PCDHA6: variants seen among roughly 807,000 people sequenced by gnomAD.
PCDHA6 encodes the protein protocadherin alpha 6, also known as protocadherin alpha-6.
Under a neutral mutation model 60.3 loss-of-function variants are expected in PCDHA6, and 55 were observed. That is an observed-to-expected ratio of 0.91 (90% confidence interval 0.73 to 1.14). The LOEUF is 1.14. PCDHA6 is among the 50% of genes most tolerant of loss of function. PCDHA6 has a pLI of 0.00. For missense variants in PCDHA6, 1,327 were observed against 1,256.5 expected (o/e 1.06, Z -0.85); for synonymous variants, 652 against 557.9 (o/e 1.17, Z -2.38).
At position 140,936,025 on chromosome 5, in the gene PCDHA6, G is replaced by A. The variant is rs542573400; in HGVS notation, c.2395-42924G>A. On this transcript the variant is annotated intron_variant, in intron 1 of 3. Coordinates refer to ENST00000529310, the MANE Select transcript of PCDHA6 (RefSeq NM_018909.4). ...CTCCCACCTCAGCCTCCCGAGTAGC[G>A]GGGATTACAGGCACCCACCACCACA... 1.5e-3 allele frequency among the ~76,000 whole-genome samples: 222 copies of A among 151,390 alleles called. 1 individual carries two copies. The highest frequency in any genetic ancestry group is 6.8e-3 in the Middle Eastern group (2 of 294).
intron 1 of PCDHA6, among the ~76,000 whole-genome samples, chr5:140,937,867 G>A (rs1009502911): frequency 7.9e-5 from 12 of 151,142 alleles, no homozygotes; most frequent in African/African-American, 1.2e-4. Flanking sequence ...AGCCGAGATC[G>A]CGCCACTGCA....
At chr5:140,928,532 A>G (rs781788985) in intron 1 of PCDHA6, 42 of 1,614,110 alleles carry the variant, frequency 2.6e-5, no homozygotes, top group Middle Eastern at 1.6e-4. Flanking sequence ...TTTGTGGTAG[A>G]TAGGAATGAC....
intron 1 of PCDHA6, chr5:140,857,788 GCTGCGGTCGGTGGTTGCGGGT>G: frequency 6.3e-7 from 1 of 1,597,732 alleles, no homozygotes; most frequent in South Asian, 1.1e-5. Flanking sequence ...GTGAGCTGGT[GCTGCGGTCGGTGGTTGCGGGT>G]CACGTGGTGG....
At chr5:140,837,793 C>T (rs1775259985) in intron 1 of PCDHA6, among the ~76,000 whole-genome samples, 1 of 151,820 alleles carries the variant, frequency 6.6e-6, no homozygotes, top group Admixed American at 6.6e-5. Flanking sequence ...CCTCCCATCT[C>T]AGCCTCTGGA....
At chr5:140,931,246 C>A (rs2087398062) in intron 1 of PCDHA6, among the ~76,000 whole-genome samples, 1 of 152,114 alleles carries the variant, frequency 6.6e-6, no homozygotes, top group East Asian at 1.9e-4. Flanking sequence ...ACTTTTCCTA[C>A]CAAGAAATTT....
chr5:140,968,312 C>A, intron 1 of PCDHA6: 2 of 1,613,960 alleles, frequency 1.2e-6, no homozygotes, highest in Non-Finnish European at 1.7e-6. Context: ...GATTCAAGGG[C>A]TGCCAGTCAC....
At chr5:140,948,620 TTAA>T (rs1422284059) in intron 1 of PCDHA6, among the ~76,000 whole-genome samples, 3 of 151,714 alleles carry the variant, frequency 2.0e-5, no homozygotes, top group Non-Finnish European at 4.4e-5. Context: ...CACAAAGTTG[TTAA>T]TAATATTCTC....
In PCDHA6 at chr5:140,846,520, G is replaced by A. The variant is rs1780530072; in HGVS notation, c.2394+16035G>A. Among the ~76,000 whole-genome samples, 3 of 147,948 alleles carry A rather than the reference G, an allele frequency of 2.0e-5. No homozygotes were observed. In the Admixed American group the frequency reaches 2.0e-4, roughly 10 times the overall value. ...CTCCCAAGTAGCTGGGATTACAGGT[G>A]CATGCCACCATGCCCTGCTAATTTT... On this transcript the variant is annotated intron_variant, in intron 1 of 3. Transcript: ENST00000529310.
At position 140,993,462 on chromosome 5, in the gene PCDHA6, T is replaced by TCACACACACA. The variant is rs3836747; in HGVS notation, c.2542+10937_2542+10946dup. On this transcript the variant is annotated intron_variant, in intron 3 of 3. Coordinates refer to ENST00000529310, the MANE Select transcript of PCDHA6 (RefSeq NM_018909.4). Reference sequence around the variant, plus strand: ...CATTCCTGTTCTCCTTCTTTCTTTCTCACACACACACACACACACACACAC... The same window carrying TCACACACACA: ...CATTCCTGTTCTCCTTCTTTCTTTCTCACACACACACACACACACACACACACACACACAC... Among the ~76,000 whole-genome samples, 267 of 141,038 alleles carry TCACACACACA rather than the reference T, an allele frequency of 1.9e-3. 2 individuals are homozygous for TCACACACACA. The highest frequency in any genetic ancestry group is 2.7e-3 in the Non-Finnish European group (175 of 64,694). The allele number at this position is 141,038 out of a possible 152,430, so 92.5% of individuals were successfully genotyped here.
rs147440301 is a variant in PCDHA6, at chr5:140,924,523, G to A, written c.2395-54426G>A. On this transcript the variant is annotated intron_variant, in intron 1 of 3. Transcript: ENST00000529310. ...AATCCCACTCTTAGTGTTAAAAAGA[G>A]AATGCCCGAGCTACCCCTCTCCCCA... is the stretch of plus-strand genomic sequence containing the variant. Among the ~76,000 whole-genome samples, 1,224 of 152,202 alleles carry A rather than the reference G, an allele frequency of 8.0e-3. 6 individuals carry two copies. The highest frequency in any genetic ancestry group is 0.019 in the African/African-American group (791 of 41,530).
chr5:140,876,228 T>G (rs1196218506), intron 1 of PCDHA6: 6 of 1,613,958 alleles, frequency 3.7e-6, no homozygotes, highest in Non-Finnish European at 5.1e-6. Flanking sequence ...TAGTGTTGTC[T>G]GAAAATGTCC....
At chr5:140,834,330 C>T (rs1443082760) in intron 1 of PCDHA6, 11 of 1,472,318 alleles carry the variant, frequency 7.5e-6, no homozygotes, top group African/African-American at 1.4e-5. Context: ...AAAAACATTC[C>T]TATAAATTCG....
At chr5:140,938,205 C>T (rs1435832298) in intron 1 of PCDHA6, among the ~76,000 whole-genome samples, 3 of 152,160 alleles carry the variant, frequency 2.0e-5, no homozygotes, top group Non-Finnish European at 4.4e-5. Context: ...GCCAGCCTCC[C>T]AAAGTGCTGG....
rs199928168 is a variant in PCDHA6, at chr5:141,009,915, C to T, written c.2831C>T (p.Thr944Met). The part of the protein sequence containing the change: ...TQEKKEKGNS[T>M]TDNSDQ The stretch of plus-strand genomic sequence containing the variant: ...GAGAAAAAAGAGAAAGGGAACAGCA[C>T]GACTGACAACAGTGACCAGTGAGGT... The change falls in exon 4 of 4, where the codon ACG becomes ATG. Residue 944 changes from threonine to methionine, a missense_variant. Physicochemically the swap from Thr to Met is moderately conservative, Grantham distance 81. Coordinates refer to ENST00000529310, the MANE Select transcript of PCDHA6 (RefSeq NM_018909.4). The T allele has an allele frequency of 9.0e-4, 1,448 of 1,611,544 alleles. 2 individuals carry two copies. Among genetic ancestry groups the T allele is most frequent in the Admixed American group, 3.7e-3 (222 of 59,324 alleles).
chr5:140,870,314 A>C (rs1253656655), intron 1 of PCDHA6: 6 of 1,613,546 alleles, frequency 3.7e-6, no homozygotes, highest in Non-Finnish European at 5.1e-6. Context: ...AAGAATTACT[A>C]CTCGTTGGTG....
At chr5:140,877,096 G>T in intron 1 of PCDHA6, 3 of 1,613,378 alleles carry the variant, frequency 1.9e-6, no homozygotes, top group Non-Finnish European at 2.5e-6. Context: ...CGACGCCGGC[G>T]TGCCGCCTCT....
intron 1 of PCDHA6, among the ~76,000 whole-genome samples, chr5:140,962,807 C>T (rs1463442901): frequency 5.3e-5 from 8 of 152,220 alleles, no homozygotes; most frequent in Non-Finnish European, 1.0e-4. Flanking sequence ...CAACTCTAAA[C>T]ATCAGAGATG....
At chr5:140,852,956 C>G (rs2042556592) in intron 1 of PCDHA6, 1 of 438,466 alleles carries the variant, frequency 2.3e-6, no homozygotes, top group Non-Finnish European at 3.1e-6. Flanking sequence ...TTGGCTCACT[C>G]CAAGCTCCCC....
chr5:140,913,410 C>T (rs375204256), intron 1 of PCDHA6, among the ~76,000 whole-genome samples: 6 of 152,040 alleles, frequency 3.9e-5, no homozygotes, highest in African/African-American at 1.4e-4. Context: ...CCTTTGAATT[C>T]CTGCAGTATC....
Sources: allele counts gnomAD v4.1 joint callset (sites outside exome capture counted in the v4.1 genomes callset), GRCh38; gene constraint gnomAD v4.1.1; transcripts MANE v1.5; gene names NCBI Gene and HGNC (gene_info 2026-07-23, HGNC 2026-07-21).